The following STXBP5L variants were observed in gnomAD, a reference collection of about 807,000 sequenced individuals.
The protein encoded by STXBP5L is syntaxin-binding protein 5-like.
In STXBP5L, 65 loss-of-function variants were observed where a neutral mutation model predicts 144.5. The ratio of observed to expected loss-of-function variants is 0.45; its 90% CI spans 0.37 to 0.55. STXBP5L has a LOEUF of 0.55. STXBP5L is among the 20% of genes least tolerant of loss of function. The probability of loss-of-function intolerance (pLI) is 0.00; values close to 1 mark genes in which losing one functional copy is unlikely to be tolerated. For missense variants in STXBP5L, 1,298 were observed against 1,405.5 expected (o/e 0.92, Z 1.22); for synonymous variants, 505 against 469.6 (o/e 1.08, Z -0.97).
chr3:121,173,164 C>A (rs896167786), intron 9 of STXBP5L, among the ~76,000 whole-genome samples: 2 of 151,700 alleles, frequency 1.3e-5, no homozygotes, highest in African/African-American at 4.8e-5. Context: ...GAACATCACA[C>A]AATGGGGCCT....
At chr3:121,271,118 C>G (rs2050722116) in intron 18 of STXBP5L, among the ~76,000 whole-genome samples, 1 of 152,156 alleles carries the variant, frequency 6.6e-6, no homozygotes, top group Non-Finnish European at 1.5e-5. Context: ...TGGTTATTCT[C>G]TGTTACCCTT....
intron 19 of STXBP5L, chr3:121,282,436 T>TA: frequency 9.1e-7 from 1 of 1,102,246 alleles, no homozygotes; most frequent in Non-Finnish European, 1.3e-6. Context: ...TAAAACACAT[T>TA]CAGCATGCAT....
At chr3:121,347,429 T>C (rs1200965429) in intron 20 of STXBP5L, among the ~76,000 whole-genome samples, 1 of 150,512 alleles carries the variant, frequency 6.6e-6, no homozygotes, top group Admixed American at 6.6e-5. Flanking sequence ...TTGACTTGGA[T>C]TGACTTGTGG....
At chr3:121,003,499 G>A (rs1313179211) in intron 3 of STXBP5L, among the ~76,000 whole-genome samples, 2 of 152,126 alleles carry the variant, frequency 1.3e-5, no homozygotes, top group African/African-American at 2.4e-5. Flanking sequence ...CCATGCTCTA[G>A]GTTGCCTGTT....
At chr3:121,368,945 G>C (rs992942953) in intron 20 of STXBP5L, among the ~76,000 whole-genome samples, 3 of 152,158 alleles carry the variant, frequency 2.0e-5, no homozygotes. Flanking sequence ...GGGAATGAGG[G>C]TAAGTGCAAC....
chr3:120,985,677 A>C (rs1942221983), intron 3 of STXBP5L, among the ~76,000 whole-genome samples: 1 of 151,778 alleles, frequency 6.6e-6, no homozygotes, highest in South Asian at 2.1e-4. Context: ...GAATTTGTCC[A>C]TTTCTTCTAG....
At chr3:121,216,681 G>GCTGT (rs1197092538) in intron 10 of STXBP5L, among the ~76,000 whole-genome samples, 1 of 152,190 alleles carries the variant, frequency 6.6e-6, no homozygotes, top group Admixed American at 6.5e-5. Flanking sequence ...ACTTGAAGAG[G>GCTGT]CTGTCTGTCC....
intron 18 of STXBP5L, among the ~76,000 whole-genome samples, chr3:121,260,612 A>AT (rs1488074110): frequency 1.3e-5 from 2 of 152,006 alleles, no homozygotes; most frequent in Non-Finnish European, 2.9e-5. Flanking sequence ...ATTAAACTAT[A>AT]TTTTTTCCTG....
chr3:121,328,095 T>C (rs1259783938), intron 20 of STXBP5L, among the ~76,000 whole-genome samples: 1 of 152,218 alleles, frequency 6.6e-6, no homozygotes, highest in Non-Finnish European at 1.5e-5. Context: ...TTATATACAA[T>C]TGAAGGCTTT....
intron 22 of STXBP5L, among the ~76,000 whole-genome samples, chr3:121,394,564 T>TTTTATTATA (rs1254763420): frequency 1.3e-5 from 2 of 151,930 alleles, no homozygotes; most frequent in African/African-American, 2.4e-5. Flanking sequence ...ACTTTTATTA[T>TTTTATTATA]TTTGAAGCAT....
chr3:121,401,591 G>T (rs1007508052), intron 22 of STXBP5L, among the ~76,000 whole-genome samples: 3 of 137,588 alleles, frequency 2.2e-5, no homozygotes, highest in Admixed American at 1.5e-4. Flanking sequence ...CATGTCCTTT[G>T]TAGGGACATG....
At chr3:121,096,808 A>G (rs1188027074) in intron 5 of STXBP5L, among the ~76,000 whole-genome samples, 4 of 152,134 alleles carry the variant, frequency 2.6e-5, no homozygotes, top group African/African-American at 9.7e-5. Context: ...TCTCCCATTC[A>G]GGAGGTATGG....
At chr3:121,311,161 A>G (rs530563529) in intron 19 of STXBP5L, among the ~76,000 whole-genome samples, 2 of 152,192 alleles carry the variant, frequency 1.3e-5, no homozygotes, top group Non-Finnish European at 2.9e-5. Flanking sequence ...GAAATTTAAA[A>G]TCATAATAAG....
In STXBP5L at chr3:121,378,905, AT is replaced by A. The variant is rs770213317; in HGVS notation, c.2347+26del. ...ACAGAAGGTATGTTAAACATATTAAATTTTTTTGTTACAGTTAAAATTTGGT... is the reference window on the plus strand; with the variant it reads ...ACAGAAGGTATGTTAAACATATTAAATTTTTTGTTACAGTTAAAATTTGGT... On this transcript the variant is annotated intron_variant, in intron 21 of 26. Transcript: ENST00000471454. The A allele has an allele frequency of 2.5e-6, 4 of 1,598,022 alleles. No individual in the cohort carries two copies. The highest frequency in any genetic ancestry group is 1.4e-5 in the African/African-American group (1 of 74,044).
chr3:121,381,654 C>T lies in STXBP5L; in HGVS notation c.2587+122C>T, dbSNP rs2046327573. The T allele has an allele frequency of 3.1e-6, 4 of 1,297,390 alleles. No homozygotes were observed. In the South Asian group the frequency reaches 6.1e-5, roughly 20 times the overall value. The allele number at this position is 1,297,390 out of a possible 1,614,324, so 80.4% of individuals were successfully genotyped here. On this transcript the variant is annotated intron_variant, in intron 22 of 26. Transcript: ENST00000471454. ...TTATAAGTATTCTGCACAATGGGAA[C>T]TATTAAGAATTTTATACATCATATA...
At chr3:121,037,326 T>C (rs1946832617) in intron 3 of STXBP5L, among the ~76,000 whole-genome samples, 1 of 151,838 alleles carries the variant, frequency 6.6e-6, no homozygotes. Flanking sequence ...TAGCTCACTA[T>C]AACCTTAAAT....
At chr3:121,355,458 T>G (rs1421096134) in intron 20 of STXBP5L, among the ~76,000 whole-genome samples, 1 of 152,204 alleles carries the variant, frequency 6.6e-6, no homozygotes. Context: ...CTGATACCCT[T>G]TCTTCCACTT....
At chr3:121,135,632 C>T (rs4626033) in intron 7 of STXBP5L, among the ~76,000 whole-genome samples, 1 of 152,200 alleles carries the variant, frequency 6.6e-6, no homozygotes, top group South Asian at 2.1e-4. Flanking sequence ...AATGCTGCAG[C>T]TGATCTGACA....
At chr3:120,991,728 G>T (rs968528097) in intron 3 of STXBP5L, among the ~76,000 whole-genome samples, 20 of 151,584 alleles carry the variant, frequency 1.3e-4, no homozygotes, top group Admixed American at 8.6e-4. Flanking sequence ...ACCAAACACC[G>T]CATGTTCTCA....
Sources: gnomAD v4.1 joint callset for allele counts (sites outside exome capture counted in the v4.1 genomes callset) on GRCh38, gnomAD v4.1.1 for gene constraint, MANE v1.5 for transcripts, NCBI Gene and HGNC (gene_info 2026-07-23, HGNC 2026-07-21) for gene names.